Variants in PCDHGB6 observed in about 807,000 individuals in gnomAD.
PCDHGB6 encodes the protein protocadherin gamma subfamily B, 6.
A neutral mutation model predicts 59.1 loss-of-function variants in PCDHGB6; 51 were observed. That is an observed-to-expected ratio of 0.86 (90% confidence interval 0.69 to 1.09). PCDHGB6 has a LOEUF of 1.09. Ranked by LOEUF, PCDHGB6 falls within the 50% of genes least tolerant of loss-of-function variation. The pLI, the probability that PCDHGB6 is intolerant of heterozygous loss-of-function variation, is 0.00. For synonymous variants in PCDHGB6, 466 were observed against 495.1 expected (o/e 0.94, Z 0.78); for missense variants, 1,148 against 1,205.1 (o/e 0.95, Z 0.70).
chr5:141,489,354 G>A lies in PCDHGB6; in HGVS notation c.2419-5453G>A, dbSNP rs773010251. On this transcript the variant is annotated intron_variant, in intron 1 of 3. Coordinates refer to ENST00000520790, the MANE Select transcript of PCDHGB6 (RefSeq NM_018926.3). The surrounding 1 kb of genome is among the most constrained non-coding windows in gnomAD (Gnocchi z 4.5). ...AGCTTCGTTACTCAGTGGTGGAGGA[G>A]TCTGAGCCGGGGACGCTGGTGGGGA... The A allele has an allele frequency of 1.2e-5, 19 of 1,612,796 alleles. No homozygotes were observed. Among genetic ancestry groups the A allele is most frequent in the East Asian group, 2.2e-5 (1 of 44,868 alleles).
At chr5:141,418,904 A>C (rs2096300166) in intron 1 of PCDHGB6, 1 of 1,613,998 alleles carries the variant, frequency 6.2e-7, no homozygotes, top group Admixed American at 1.7e-5. Context: ...AGAAATAATC[A>C]TCACGTCACT....
In PCDHGB6 at chr5:141,457,578, C is replaced by T. The variant is rs538068150; in HGVS notation, c.2419-37229C>T. Among the ~76,000 whole-genome samples, 38 of 152,304 alleles carry T rather than the reference C, an allele frequency of 2.5e-4. No individual in the cohort carries two copies. The South Asian group carries it at 7.7e-3, about 31-fold the overall frequency. ...AGCTTTGGAGCAAAATTTTTCTCTC[C>T]AGTCCTCATTTTTGGTAAAAACTAA... On this transcript the variant is annotated intron_variant, in intron 1 of 3. Coordinates refer to ENST00000520790, the MANE Select transcript of PCDHGB6 (RefSeq NM_018926.3).
At chr5:141,500,436 C>G (rs1318326111) in intron 2 of PCDHGB6, among the ~76,000 whole-genome samples, 2 of 151,836 alleles carry the variant, frequency 1.3e-5, no homozygotes, top group African/African-American at 2.4e-5. Flanking sequence ...GTCTCGATCT[C>G]CTGACCTCGT....
In PCDHGB6 at chr5:141,422,911, G is replaced by C. The variant is rs375046528; in HGVS notation, c.2418+12291G>C. ...GCTGGACCAGAACGACAATGCGCCC[G>C]AGATCCTGTACCCTGCCCTCCCCAC... On this transcript the variant is annotated intron_variant, in intron 1 of 3. Transcript: ENST00000520790. 41 of 1,614,236 alleles carry C rather than the reference G, an allele frequency of 2.5e-5. No individual in the cohort carries two copies. Among genetic ancestry groups the C allele is most frequent in the Non-Finnish European group, 3.2e-5 (38 of 1,180,046 alleles).
At chr5:141,503,555 C>T (rs1010409481) in intron 2 of PCDHGB6, among the ~76,000 whole-genome samples, 2 of 148,816 alleles carry the variant, frequency 1.3e-5, no homozygotes, top group African/African-American at 5.0e-5. Context: ...GCCGAGATCG[C>T]GCCACTGTAC....
chr5:141,422,331 T>C (rs768333038), intron 1 of PCDHGB6: 1 of 1,548,508 alleles, frequency 6.5e-7, no homozygotes, highest in South Asian at 1.3e-5. Context: ...CAGTGATTGC[T>C]CTTCTAAATG....
intron 1 of PCDHGB6, chr5:141,423,505 C>G: frequency 6.2e-7 from 1 of 1,613,932 alleles, no homozygotes; most frequent in Non-Finnish European, 8.5e-7. Context: ...CGAGGTCTCT[C>G]TCATTGCGGA....
rs1009148964 is a variant in PCDHGB6, at chr5:141,410,005, C to T, written c.1803C>T (p.Asn601=). Residue 601 remains asparagine (N), a synonymous_variant, in exon 1 of 4, where the codon AAC becomes AAT. Coordinates refer to ENST00000520790, the MANE Select transcript of PCDHGB6 (RefSeq NM_018926.3). The part of the protein sequence containing the change: ...VVAVDADSGH[N]AWLSYHVLQA... ...CGGTGGACGCCGACTCGGGACACAA[C>T]GCCTGGCTGTCCTACCACGTGCTGC... is the stretch of plus-strand genomic sequence containing the variant. 9.9e-6 allele frequency: 16 copies of T among 1,613,172 alleles called. No homozygotes were observed. The highest frequency in any genetic ancestry group is 1.3e-5 in the Non-Finnish European group (15 of 1,179,822).
chr5:141,428,744 T>C (rs939886054), intron 1 of PCDHGB6: 10 of 155,306 alleles, frequency 6.4e-5, no homozygotes, highest in African/African-American at 2.4e-4. Context: ...ATATCTACTA[T>C]TGCTTCAGGT....
At chr5:141,446,263 C>T (rs2098496356) in intron 1 of PCDHGB6, among the ~76,000 whole-genome samples, 1 of 152,010 alleles carries the variant, frequency 6.6e-6, no homozygotes, top group East Asian at 1.9e-4. Flanking sequence ...ATATTATTAA[C>T]TGAATAAATA....
At chr5:141,421,548 G>C in intron 1 of PCDHGB6, 1 of 1,613,984 alleles carries the variant, frequency 6.2e-7, no homozygotes, top group Non-Finnish European at 8.5e-7. Flanking sequence ...TTTTAAATAT[G>C]GAACTTCTCG....
intron 1 of PCDHGB6, chr5:141,441,868 C>A: frequency 3.0e-6 from 1 of 338,212 alleles, no homozygotes; most frequent in Non-Finnish European, 5.8e-6. Flanking sequence ...CGCCGCGGAG[C>A]CTGGCTACCT....
chr5:141,433,595 G>C (rs2097629585), intron 1 of PCDHGB6, among the ~76,000 whole-genome samples: 1 of 152,070 alleles, frequency 6.6e-6, no homozygotes, highest in South Asian at 2.1e-4. Context: ...CAGTACTTTG[G>C]GAGGCCGAGG....
intron 1 of PCDHGB6, chr5:141,413,835 C>T (rs762735722): frequency 1.9e-6 from 3 of 1,613,258 alleles, no homozygotes. Context: ...CCGCCTCCGA[C>T]GGGGGTGACC....
chr5:141,450,899 A>C (rs1045595271), intron 1 of PCDHGB6, among the ~76,000 whole-genome samples: 1 of 149,514 alleles, frequency 6.7e-6, no homozygotes, highest in Non-Finnish European at 1.5e-5. Context: ...ATATCGGCTC[A>C]CTGCAACCGC....
intron 1 of PCDHGB6, chr5:141,423,595 G>A: frequency 6.2e-7 from 1 of 1,613,216 alleles, no homozygotes; most frequent in Non-Finnish European, 8.5e-7. Flanking sequence ...TGAGAAAAGC[G>A]AGCCACTCTT....
intron 1 of PCDHGB6, among the ~76,000 whole-genome samples, chr5:141,437,629 G>A (rs538730617): frequency 6.6e-6 from 1 of 152,284 alleles, no homozygotes; most frequent in Non-Finnish European, 1.5e-5. Flanking sequence ...CATATAAGAT[G>A]TCAGGTTCAG....
At position 141,410,614 on chromosome 5, in the gene PCDHGB6, G is replaced by A; in HGVS notation, c.2412G>A (p.Leu804=). 1 of 1,604,858 alleles carries A rather than the reference G, an allele frequency of 6.2e-7. No homozygotes were observed. The highest frequency in any genetic ancestry group is 1.1e-5 in the South Asian group (1 of 90,896). The stretch of plus-strand genomic sequence containing the variant: ...ATTTGACTTCACATCCTGAGACTCT[G>A]ACTTCGGTGAGTTTCTCTTTTTTGT... The part of the protein sequence containing the change: ...GEDLTSHPET[L]TSQAPPNTDW... The change falls in exon 1 of 4, where the codon CTG becomes CTA. Residue 804 remains leucine, a synonymous_variant. Coordinates refer to ENST00000520790, the MANE Select transcript of PCDHGB6 (RefSeq NM_018926.3).
In PCDHGB6 at chr5:141,476,343, T is replaced by A; in HGVS notation, c.2419-18464T>A. 1 of 1,614,012 alleles carries A rather than the reference T, an allele frequency of 6.2e-7. No individual in the cohort carries two copies. The highest frequency in any genetic ancestry group is 1.3e-5 in the African/African-American group (1 of 74,984). ...GTGGTGTCTGGAGCTAGCCGAAGAT[T>A]CTTTGAGGTGAACCGGGAGACCGGA... On this transcript the variant is annotated intron_variant, in intron 1 of 3. Transcript: ENST00000520790. This position sits in a 1 kb window ranked among gnomAD's most constrained non-coding sequence, Gnocchi z 7.6.
Sources: gnomAD v4.1 joint callset for allele counts (sites outside exome capture counted in the v4.1 genomes callset) on GRCh38, gnomAD v4.1.1 for gene constraint, Gnocchi (gnomAD v3.1) non-coding constraint, MANE v1.5 for transcripts, NCBI Gene and HGNC (gene_info 2026-07-23, HGNC 2026-07-21) for gene names.